WDR86: variants seen among roughly 807,000 people sequenced by gnomAD.
WDR86 encodes the protein WD repeat-containing protein 86.
Under a neutral mutation model 36.5 loss-of-function variants are expected in WDR86, and 30 were observed. The ratio of observed to expected loss-of-function variants is 0.82; its 90% CI spans 0.61 to 1.11. The LOEUF is 1.11. WDR86 is among the 50% of genes most tolerant of loss of function. The pLI, the probability that WDR86 is intolerant of heterozygous loss-of-function variation, is 0.00. For synonymous variants in WDR86, 255 were observed against 252.9 expected (o/e 1.01, Z -0.08); for missense variants, 545 against 561.2 (o/e 0.97, Z 0.29).
At chr7:151,371,343 G>C (rs1261961258), downstream of WDR86, among the ~76,000 whole-genome samples, 1 of 150,772 alleles carries the variant, frequency 6.6e-6, no homozygotes, top group Admixed American at 6.6e-5. Context: ...CTGAGGACCT[G>C]AGGTCTGTCT....
At chr7:151,391,332 C>T (rs991566124) in intron 3 of WDR86, among the ~76,000 whole-genome samples, 4 of 152,242 alleles carry the variant, frequency 2.6e-5, no homozygotes, top group African/African-American at 4.8e-5. Context: ...GCCCCCTCTG[C>T]GTTTAGGACA....
rs547093332 is a variant in WDR86 at position 151,384,958 on chromosome 7, C to T, written c.862+130G>A. On this transcript the variant is annotated intron_variant, in intron 4 of 5. Transcript: ENST00000334493. ...GAAGCACGGGTGTGTGGAGAAGGAA[C>T]GAGCACTGCCATTGGACGCTGATGA... 5.7e-5 allele frequency: 59 copies of T among 1,034,616 alleles called. No individual in the cohort carries two copies. In the African/African-American group the frequency reaches 6.7e-4, roughly 12 times the overall value. 64.1% of individuals were successfully genotyped at this position (1,034,616 alleles called of 1,614,324 possible). A position where few individuals can be genotyped will look rare whatever the true frequency, so the allele number is the denominator to read the frequency against.
At chr7:151,394,640 C>G (rs1351716514) in intron 3 of WDR86, among the ~76,000 whole-genome samples, 1 of 152,240 alleles carries the variant, frequency 6.6e-6, no homozygotes, top group Non-Finnish European at 1.5e-5. Flanking sequence ...TTCACAGCAA[C>G]AGCAGCAGGG....
the WDR86 span, among the ~76,000 whole-genome samples, chr7:151,369,528 T>A: frequency 6.6e-6 from 1 of 152,314 alleles, no homozygotes; most frequent in African/African-American, 2.4e-5. Flanking sequence ...AGAAACAAGT[T>A]GTATTATATT....
At chr7:151,370,335 C>T in the WDR86 span, among the ~76,000 whole-genome samples, 5 of 152,164 alleles carry the variant, frequency 3.3e-5, no homozygotes, top group Admixed American at 6.5e-5. Flanking sequence ...GTGATCCTCC[C>T]GCCTTGGCCT....
At chr7:151,404,967 G>A (rs886676154) in intron 1 of WDR86, among the ~76,000 whole-genome samples, 3 of 152,188 alleles carry the variant, frequency 2.0e-5, no homozygotes, top group African/African-American at 7.2e-5. Flanking sequence ...TTTAGACAAC[G>A]GACTGGACAG....
At chr7:151,408,050 G>A (rs1285366905) in intron 1 of WDR86, among the ~76,000 whole-genome samples, 9 of 152,006 alleles carry the variant, frequency 5.9e-5, no homozygotes, top group African/African-American at 2.2e-4. Context: ...GCCTATAAGT[G>A]TGTGTGGCTG....
In WDR86 at chr7:151,400,198, A is replaced by G. The variant is rs1367466938; in HGVS notation, c.207T>C (p.Ala69=). 3 of 1,611,492 alleles carry G rather than the reference A, an allele frequency of 1.9e-6. No individual in the cohort carries two copies. Among genetic ancestry groups the G allele is most frequent in the South Asian group, 1.1e-5 (1 of 90,378 alleles). The change falls in exon 2 of 6, where the codon GCT becomes GCC. Residue 69 remains alanine, a synonymous_variant. Transcript: ENST00000334493. ...TGCAGTCGGCGCTGCATGTGAAGGCAGCCTCATCCTCCAGCTGGCAGAAGG... is the reference window on the plus strand; with the variant it reads ...TGCAGTCGGCGCTGCATGTGAAGGCGGCCTCATCCTCCAGCTGGCAGAAGG... ...YVTFCQLEDE[A]AFTCSADCTI...
chr7:151,410,132 C>G (rs144505757), upstream of WDR86: 8 of 951,050 alleles, frequency 8.4e-6, no homozygotes, highest in Non-Finnish European at 1.0e-5. Context: ...CCTGCAGCCT[C>G]CCCCCTTCGT....
chr7:151,395,483 G>A (rs553639630), intron 3 of WDR86, among the ~76,000 whole-genome samples: 1 of 145,426 alleles, frequency 6.9e-6, no homozygotes, highest in African/African-American at 2.6e-5. Flanking sequence ...GTCCTTCTAA[G>A]AAGAGATTAG....
downstream of WDR86, among the ~76,000 whole-genome samples, chr7:151,373,724 G>A (rs1798065805): frequency 6.6e-6 from 1 of 152,206 alleles, no homozygotes; most frequent in African/African-American, 2.4e-5. Flanking sequence ...TCTCCTACCC[G>A]GTTCCTACCT....
intron 1 of WDR86, chr7:151,408,654 CGGCTCATCCAGGG>C (rs1800925068): frequency 1.7e-5 from 5 of 300,784 alleles, no homozygotes; most frequent in Non-Finnish European, 3.4e-5. Flanking sequence ...GAAAGCCTCG[CGGCTCATCCAGGG>C]GACTACGTGT....
At chr7:151,404,101 C>T (rs1355678497) in intron 1 of WDR86, among the ~76,000 whole-genome samples, 1 of 152,178 alleles carries the variant, frequency 6.6e-6, no homozygotes, top group Non-Finnish European at 1.5e-5. Context: ...TGCTGAAGAC[C>T]TGAAATGAGG....
chr7:151,389,540 T>C (rs976313413), intron 3 of WDR86, among the ~76,000 whole-genome samples: 3 of 152,150 alleles, frequency 2.0e-5, no homozygotes, highest in African/African-American at 7.2e-5. Flanking sequence ...CACACACGCT[T>C]CTTCGGCAAA....
chr7:151,385,124 G>A lies in WDR86; in HGVS notation c.826C>T (p.Arg276Cys), dbSNP rs767060903. Residue 276 changes from arginine (R) to cysteine (C), a missense_variant, in exon 4 of 6, where the codon CGC (arginine) becomes TGC (cysteine). Transcript: ENST00000334493. ...ECVRTFTAHRRNVSALKYHAG... is the reference protein window; with the variant it reads ...ECVRTFTAHRCNVSALKYHAG... ...TGGTACTTGAGGGCGCTCACGTTGC[G>A]TCTGTGGGCCGTGAACGTGCGCACA... is the stretch of plus-strand genomic sequence containing the variant. 26 of 1,611,916 alleles carry A rather than the reference G, an allele frequency of 1.6e-5. No homozygotes were observed. The highest frequency in any genetic ancestry group is 3.3e-5 in the Admixed American group (2 of 59,966).
chr7:151,396,537 C>T (rs1412479785), intron 2 of WDR86, among the ~76,000 whole-genome samples: 3 of 151,650 alleles, frequency 2.0e-5, no homozygotes, highest in Admixed American at 6.6e-5. Context: ...CAGCGGGAAG[C>T]GGGTGGGGGG....
chr7:151,402,968 A>G (rs1800448909), intron 1 of WDR86, among the ~76,000 whole-genome samples: 1 of 152,208 alleles, frequency 6.6e-6, no homozygotes, highest in African/African-American at 2.4e-5. Context: ...ATCAGGGATT[A>G]GTTCCAGGAT....
chr7:151,396,656 T>A (rs1055837206), intron 2 of WDR86, among the ~76,000 whole-genome samples: 1 of 146,352 alleles, frequency 6.8e-6, no homozygotes. Flanking sequence ...TGGGACACGC[T>A]GGTCACCCTG....
chr7:151,404,710 A>C (rs1800585031), intron 1 of WDR86, among the ~76,000 whole-genome samples: 1 of 152,256 alleles, frequency 6.6e-6, no homozygotes, highest in African/African-American at 2.4e-5. Context: ...AATGCAGATA[A>C]GATGCAGTTA....
Sources: allele counts gnomAD v4.1 joint callset (sites outside exome capture counted in the v4.1 genomes callset), GRCh38; gene constraint gnomAD v4.1.1; transcripts MANE v1.5; gene names NCBI Gene and HGNC (gene_info 2026-07-23, HGNC 2026-07-21).